Variants in MLIP observed in about 807,000 individuals in gnomAD.
MLIP encodes the protein muscular LMNA-interacting protein.
In MLIP, 79 loss-of-function variants were observed where a neutral mutation model predicts 84.8. The ratio of observed to expected loss-of-function variants is 0.93; its 90% CI spans 0.78 to 1.12. The LOEUF is 1.12. MLIP is among the 50% of genes most tolerant of loss of function. MLIP has a pLI of 0.00. For synonymous variants in MLIP, 504 were observed against 463.0 expected, an observed-to-expected ratio of 1.09 and a Z score of -1.14; for missense variants, 1,257 against 1,160.6, an observed-to-expected ratio of 1.08 and a Z score of -1.21.
At chr6:54,161,505 C>T (rs980973188) in intron 8 of MLIP, among the ~76,000 whole-genome samples, 13 of 151,598 alleles carry the variant, frequency 8.6e-5, no homozygotes, top group Admixed American at 2.6e-4. Context: ...TTTCAAAATG[C>T]GTATGATTTT....
intron 3 of MLIP, among the ~76,000 whole-genome samples, chr6:54,133,824 C>T (rs1007987652): frequency 6.6e-6 from 1 of 152,064 alleles, no homozygotes; most frequent in Non-Finnish European, 1.5e-5. Context: ...TTCCAGAGTT[C>T]CAGATAGCCT....
chr6:54,253,009 T>C (rs1022333452), intron 12 of MLIP, among the ~76,000 whole-genome samples: 8 of 152,148 alleles, frequency 5.3e-5, no homozygotes, highest in Non-Finnish European at 1.2e-4. Flanking sequence ...TTCTTTTCTG[T>C]AGCCATCGAA....
chr6:54,214,301 G>T (rs1779697041), intron 11 of MLIP, among the ~76,000 whole-genome samples: 1 of 152,158 alleles, frequency 6.6e-6, no homozygotes, highest in Admixed American at 6.5e-5. Context: ...TTCCATACCA[G>T]ACTAGCCACA....
intron 9 of MLIP, among the ~76,000 whole-genome samples, chr6:54,181,788 A>G (rs1776897715): frequency 6.6e-6 from 1 of 152,148 alleles, no homozygotes; most frequent in Admixed American, 6.5e-5. Flanking sequence ...TTTGCCCAGG[A>G]TATGCCTAGA....
chr6:54,039,028 C>T (rs1012832489), intron 1 of MLIP, among the ~76,000 whole-genome samples: 7 of 151,812 alleles, frequency 4.6e-5, no homozygotes, highest in Admixed American at 1.3e-4. Flanking sequence ...CTGGGAGACA[C>T]ATAATCTCCA....
At chr6:54,189,836 T>A in intron 9 of MLIP, 34 bp from the exon 10 acceptor site, 1 of 1,495,698 alleles carries the variant, frequency 6.7e-7, no homozygotes. Context: ...AAATTATGAG[T>A]TTCACTAATA....
intron 10 of MLIP, among the ~76,000 whole-genome samples, chr6:54,197,333 A>G (rs1778367740): frequency 6.6e-6 from 1 of 152,084 alleles, no homozygotes; most frequent in Non-Finnish European, 1.5e-5. Context: ...TTTATTCAAC[A>G]GGATTGTGAA....
chr6:54,164,415 C>T (rs1774974874), intron 8 of MLIP, among the ~76,000 whole-genome samples: 1 of 151,934 alleles, frequency 6.6e-6, no homozygotes, highest in South Asian at 2.1e-4. Context: ...TCCTTCAATT[C>T]CTGTATTACA....
Position 54,138,270 on chromosome 6 carries a change from A to C in MLIP, c.2201A>C (p.Glu734Ala). ...PCALSMSTGP[E>A]NKKSKQYKTK... ...GCATTGTCCATGTCAACAGGCCCAGAAAATAAGAAATCAAAGGTATTTTTT... is the reference window on the plus strand; with the variant it reads ...GCATTGTCCATGTCAACAGGCCCAGCAAATAAGAAATCAAAGGTATTTTTT... The change falls in exon 4 of 14, where the codon GAA becomes GCA. Residue 734 changes from glutamate (E) to alanine (A), a missense_variant. Transcript: ENST00000502396. 1 of 1,533,552 alleles carries C rather than the reference A, an allele frequency of 6.5e-7. No homozygotes were observed. The highest frequency in any genetic ancestry group is 8.7e-7 in the Non-Finnish European group (1 of 1,144,800). 95.0% of individuals were successfully genotyped at this position (1,533,552 alleles called of 1,614,324 possible).
intron 12 of MLIP, among the ~76,000 whole-genome samples, chr6:54,249,983 T>C (rs1782356380): frequency 6.6e-6 from 1 of 151,942 alleles, no homozygotes. Flanking sequence ...CAGTGTCTGT[T>C]CCCTTTTATG....
chr6:54,222,879 C>T (rs1780311042), intron 11 of MLIP, among the ~76,000 whole-genome samples: 1 of 151,960 alleles, frequency 6.6e-6, no homozygotes, highest in Non-Finnish European at 1.5e-5. Context: ...CTGACCAACA[C>T]TCATTCCTAT....
chr6:54,148,714 C>T (rs932373818), intron 4 of MLIP, among the ~76,000 whole-genome samples: 7 of 152,104 alleles, frequency 4.6e-5, no homozygotes, highest in African/African-American at 1.7e-4. Flanking sequence ...AGAGCCATCT[C>T]CTGTCCTCAT....
At chr6:54,045,735 T>A (rs1765009741) in intron 1 of MLIP, 1 of 152,746 alleles carries the variant, frequency 6.5e-6, no homozygotes, top group Non-Finnish European at 1.5e-5. Context: ...TCTTCCTACT[T>A]CTCTGGCCGT....
At chr6:54,029,705 C>A (rs538548983) in intron 1 of MLIP, among the ~76,000 whole-genome samples, 6 of 152,012 alleles carry the variant, frequency 3.9e-5, no homozygotes, top group African/African-American at 1.4e-4. Context: ...TTTGGCATGC[C>A]AGAAATTTTG....
chr6:54,240,952 G>A (rs1781696727), intron 12 of MLIP, among the ~76,000 whole-genome samples: 1 of 152,080 alleles, frequency 6.6e-6, no homozygotes, highest in Non-Finnish European at 1.5e-5. Flanking sequence ...CTCCAGCCTG[G>A]CGACAGAGTG....
At chr6:54,218,487 T>C (rs1779996903) in intron 11 of MLIP, among the ~76,000 whole-genome samples, 1 of 152,198 alleles carries the variant, frequency 6.6e-6, no homozygotes, top group South Asian at 2.1e-4. Context: ...TTGTACATTA[T>C]TGTAGACTTT....
At chr6:54,231,591 G>A (rs987843391) in intron 12 of MLIP, among the ~76,000 whole-genome samples, 1 of 151,332 alleles carries the variant, frequency 6.6e-6, no homozygotes, top group African/African-American at 2.5e-5. Flanking sequence ...AACTACATGG[G>A]GCTTACATAT....
chr6:54,209,454 TA>T (rs1779264815), intron 11 of MLIP, among the ~76,000 whole-genome samples: 1 of 152,198 alleles, frequency 6.6e-6, no homozygotes, highest in South Asian at 2.1e-4. Flanking sequence ...GCAAATCATT[TA>T]AAATAAATGT....
chr6:54,218,767 C>T (rs1250537149), intron 11 of MLIP, among the ~76,000 whole-genome samples: 1 of 152,088 alleles, frequency 6.6e-6, no homozygotes, highest in Non-Finnish European at 1.5e-5. Context: ...CTGCCCACCT[C>T]AGCCTCCCAA....
Sources: allele counts gnomAD v4.1 joint callset (sites outside exome capture counted in the v4.1 genomes callset), GRCh38; gene constraint gnomAD v4.1.1; transcripts MANE v1.5; gene names NCBI Gene and HGNC (gene_info 2026-07-23, HGNC 2026-07-21).